TBC1D14: variants seen among roughly 807,000 people sequenced by gnomAD.
TBC1D14 encodes TBC1 domain family, member 14.
TBC1D14 carries 26 observed loss-of-function variants against 79.0 expected under a neutral mutation model. The observed-to-expected ratio is 0.33, with a 90% CI of 0.24 to 0.46. The LOEUF (loss-of-function observed/expected upper bound fraction) is 0.46, where lower values mean the gene tolerates loss of function less well. Ranked by LOEUF, TBC1D14 falls within the 20% of genes least tolerant of loss-of-function variation. The pLI, the probability that TBC1D14 is intolerant of heterozygous loss-of-function variation, is 1.00. For missense variants in TBC1D14, 769 were observed against 887.6 expected (o/e 0.87, Z 1.70); for synonymous variants, 394 against 349.9 (o/e 1.13, Z -1.40).
intron 2 of TBC1D14, among the ~76,000 whole-genome samples, chr4:6,965,437 T>G (rs573676139): frequency 1.3e-5 from 2 of 152,248 alleles, no homozygotes; most frequent in Non-Finnish European, 2.9e-5. Context: ...AGTCTGGGTG[T>G]GTCTGCTTCT....
At position 7,031,541 on chromosome 4, in the gene TBC1D14, T is replaced by C. The variant is rs1194389954; in HGVS notation, c.*1149T>C. ...GGTCGTTGGCAAATTTTTTGTTCTG[T>C]CTTTTCCTTGACTAATTGTAGAACT... is the stretch of plus-strand genomic sequence containing the variant. On this transcript the variant is annotated 3_prime_UTR_variant, in exon 14 of 14. Transcript: ENST00000409757. 6.6e-6 allele frequency: 1 copy of C among 152,258 alleles called. No individual in the cohort carries two copies. Among genetic ancestry groups the C allele is most frequent in the African/African-American group, 2.4e-5 (1 of 41,462 alleles). 9.4% of individuals were successfully genotyped at this position (152,258 alleles called of 1,614,324 possible). A position where few individuals can be genotyped will look rare whatever the true frequency, so the allele number is the denominator to read the frequency against.
intron 3 of TBC1D14, among the ~76,000 whole-genome samples, chr4:6,982,936 G>GGGTA (rs941821298): frequency 2.6e-4 from 39 of 152,296 alleles, no homozygotes; most frequent in African/African-American, 7.7e-4. Flanking sequence ...AGAACAAACT[G>GGGTA]GGTACATGGG....
intron 5 of TBC1D14, 24 bp downstream of exon 5, chr4:6,996,431 G>A (rs1719050586): frequency 6.4e-7 from 1 of 1,561,640 alleles, no homozygotes; most frequent in Non-Finnish European, 8.8e-7. Flanking sequence ...CACTTGATGG[G>A]TTAAATCAGG....
At chr4:6,976,621 C>T (rs917783337) in intron 3 of TBC1D14, among the ~76,000 whole-genome samples, 5 of 152,110 alleles carry the variant, frequency 3.3e-5, no homozygotes, top group South Asian at 2.1e-4. Flanking sequence ...TGATGAAAAA[C>T]GAAGAATTTG....
chr4:6,912,304 C>T (rs1423066519), intron 1 of TBC1D14, among the ~76,000 whole-genome samples: 1 of 150,416 alleles, frequency 6.6e-6, no homozygotes, highest in Non-Finnish European at 1.5e-5. Context: ...CGCTTGAACC[C>T]GGGAGGTGGA....
At chr4:7,001,808 G>A (rs1719705620) in intron 7 of TBC1D14, among the ~76,000 whole-genome samples, 1 of 152,152 alleles carries the variant, frequency 6.6e-6, no homozygotes, top group Non-Finnish European at 1.5e-5. Flanking sequence ...CACTTCCCCA[G>A]GTGTCCTGAG....
chr4:6,954,897 G>C (rs1714484212), intron 2 of TBC1D14, among the ~76,000 whole-genome samples: 1 of 152,260 alleles, frequency 6.6e-6, no homozygotes, highest in Non-Finnish European at 1.5e-5. Context: ...GAGCGGCCGT[G>C]CCCGGCCTGG....
intron 2 of TBC1D14, among the ~76,000 whole-genome samples, chr4:6,942,274 G>A (rs1712985459): frequency 6.6e-6 from 1 of 152,014 alleles, no homozygotes; most frequent in Non-Finnish European, 1.5e-5. Flanking sequence ...TTTTTCATGT[G>A]CACACATCTT....
At chr4:6,923,046 C>T (rs1271411588) in intron 1 of TBC1D14, among the ~76,000 whole-genome samples, 2 of 152,176 alleles carry the variant, frequency 1.3e-5, no homozygotes, top group Non-Finnish European at 2.9e-5. Context: ...ACTAAAAATA[C>T]AAAAATTAGC....
chr4:7,016,699 T>C (rs974987077), intron 12 of TBC1D14, among the ~76,000 whole-genome samples: 3 of 152,212 alleles, frequency 2.0e-5, no homozygotes, highest in African/African-American at 7.2e-5. Context: ...ACCCTGACCA[T>C]GTGAAGCATT....
chr4:6,999,038 T>C (rs747593259), intron 5 of TBC1D14, 47 bp from the exon 6 acceptor site: 40 of 1,580,554 alleles, frequency 2.5e-5, no homozygotes, highest in Non-Finnish European at 3.4e-5. Context: ...CTGGAAATGG[T>C]CCATATCAGT....
At chr4:6,989,020 A>G (rs1577129582) in intron 3 of TBC1D14, among the ~76,000 whole-genome samples, 1 of 151,488 alleles carries the variant, frequency 6.6e-6, no homozygotes, top group East Asian at 2.0e-4. Flanking sequence ...GACCACAGGC[A>G]CAGCACCTCT....
chr4:6,944,719 T>C (rs1218353457), intron 2 of TBC1D14, among the ~76,000 whole-genome samples: 1 of 152,244 alleles, frequency 6.6e-6, no homozygotes, highest in Non-Finnish European at 1.5e-5. Flanking sequence ...GTTTACAGAA[T>C]GCGGGGATGT....
At chr4:6,925,270 A>AAAC (rs1560248599) in intron 2 of TBC1D14, among the ~76,000 whole-genome samples, 124 of 152,160 alleles carry the variant, frequency 8.1e-4, no homozygotes, top group African/African-American at 2.9e-3. Context: ...CCATCTCAAA[A>AAAC]AAACAAACAA....
chr4:6,940,359 C>T (rs1712789632), intron 2 of TBC1D14, among the ~76,000 whole-genome samples: 1 of 152,194 alleles, frequency 6.6e-6, no homozygotes, highest in Non-Finnish European at 1.5e-5. Context: ...CAGCAGCACA[C>T]AGTGGGTGTG....
At chr4:7,015,131 C>G (rs533867994) in intron 12 of TBC1D14, among the ~76,000 whole-genome samples, 5 of 152,060 alleles carry the variant, frequency 3.3e-5, no homozygotes, top group African/African-American at 1.2e-4. Context: ...CACGGTGGCT[C>G]TTAGACCCAA....
chr4:6,945,220 G>A (rs778414066), intron 2 of TBC1D14, among the ~76,000 whole-genome samples: 1 of 152,118 alleles, frequency 6.6e-6, no homozygotes, highest in African/African-American at 2.4e-5. Flanking sequence ...GTGTAGGGGC[G>A]GGCCACATGC....
intron 3 of TBC1D14, 26 bp downstream of exon 3, chr4:6,967,450 A>G (rs1194117614): frequency 8.1e-6 from 13 of 1,607,986 alleles, no homozygotes; most frequent in Non-Finnish European, 1.1e-5. Context: ...AATCACAGAA[A>G]TAGGCTGTTG....
At chr4:7,001,100 CTT>C (rs960798326) in intron 6 of TBC1D14, 43 bp from the exon 7 acceptor site, 32 of 1,558,384 alleles carry the variant, frequency 2.1e-5, no homozygotes, top group Non-Finnish European at 2.7e-5. Flanking sequence ...AGACAAATGT[CTT>C]TGTGTGGAAC....
Sources: allele counts gnomAD v4.1 joint callset (sites outside exome capture counted in the v4.1 genomes callset), GRCh38; gene constraint gnomAD v4.1.1; transcripts MANE v1.5; gene names NCBI Gene and HGNC (gene_info 2026-07-23, HGNC 2026-07-21).